Variants in TPP2 observed in about 807,000 individuals in gnomAD.
The protein encoded by TPP2 is tripeptidyl-peptidase 2.
A neutral mutation model predicts 155.9 loss-of-function variants in TPP2; 34 were observed. The ratio of observed to expected loss-of-function variants is 0.22; its 90% confidence interval spans 0.17 to 0.29. The LOEUF is 0.29. TPP2 is among the 10% of genes least tolerant of loss of function. The pLI is 1.00. For synonymous variants in TPP2, 510 were observed against 529.4 expected (o/e 0.96, Z 0.50); for missense variants, 1,028 against 1,522.3 (o/e 0.68, Z 5.40).
At chr13:102,624,072 T>G (rs554825109) in intron 6 of TPP2, among the ~76,000 whole-genome samples, 3 of 152,246 alleles carry the variant, frequency 2.0e-5, no homozygotes, top group Non-Finnish European at 4.4e-5. Context: ...CAAAATGCTG[T>G]GTGTATAAAC....
At chr13:102,616,555 GT>G (rs943563022) in intron 4 of TPP2, 55 bp downstream of exon 4, 198 of 1,409,256 alleles carry the variant, frequency 1.4e-4, no homozygotes, top group Non-Finnish European at 1.5e-4. Context: ...TTCCCATAGA[GT>G]TTCTACAGAA....
intron 8 of TPP2, among the ~76,000 whole-genome samples, chr13:102,628,544 C>T (rs1315161981): frequency 1.3e-5 from 2 of 152,158 alleles, no homozygotes; most frequent in East Asian, 1.9e-4. Flanking sequence ...GATGCACCCC[C>T]ACTCCCCTCC....
intron 27 of TPP2, among the ~76,000 whole-genome samples, chr13:102,666,595 T>G (rs1884608738): frequency 6.6e-6 from 1 of 152,150 alleles, no homozygotes; most frequent in Admixed American, 6.5e-5. Context: ...TTTTTTACAT[T>G]TTGTGAAAAT....
intron 2 of TPP2, among the ~76,000 whole-genome samples, chr13:102,612,988 A>G (rs547686214): frequency 6.6e-6 from 1 of 152,314 alleles, no homozygotes; most frequent in African/African-American, 2.4e-5. Flanking sequence ...GCTAGTGACT[A>G]CTTCCCTTTT....
Position 102,678,822 on chromosome 13 carries a change from A to G in TPP2, c.*506A>G, listed in dbSNP as rs1273994005. The G allele has an allele frequency of 1.5e-5, 2 of 136,388 alleles. No individual in the cohort carries two copies. Among genetic ancestry groups the G allele is most frequent in the South Asian group, 2.3e-4 (1 of 4,442 alleles). The allele number at this position is 136,388 out of a possible 1,614,324, so 8.4% of individuals were successfully genotyped here. ...TTTTTTTTTTTTTTTTTTTTTGGCA[A>G]ATGTTTACATTCAATTAAGGGGAAA... On this transcript the variant is annotated 3_prime_UTR_variant, in exon 30 of 30. Transcript: ENST00000376052.
intron 25 of TPP2, among the ~76,000 whole-genome samples, chr13:102,658,214 T>G (rs1239917848): frequency 6.6e-6 from 1 of 152,232 alleles, no homozygotes; most frequent in Non-Finnish European, 1.5e-5. Context: ...TGATATTCTA[T>G]GGGAATCCTC....
chr13:102,628,109 C>T (rs756536661), intron 8 of TPP2, among the ~76,000 whole-genome samples, 185 bp downstream of exon 8: 3 of 152,124 alleles, frequency 2.0e-5, no homozygotes, highest in Non-Finnish European at 2.9e-5. Flanking sequence ...CGCACACCCC[C>T]GTTCCTGTGT....
rs370265663 is a variant in TPP2, at chr13:102,663,664, A to G, written c.3160A>G (p.Ile1054Val). 1.9e-6 allele frequency: 3 copies of G among 1,603,852 alleles called. No homozygotes were observed. The highest frequency in any genetic ancestry group is 1.7e-6 in the Non-Finnish European group (2 of 1,176,760). The part of the protein sequence containing the change: ...QWMTKLDSSD[I>V]YNELKETYPN... ...CATACATAGGCTGGATTCTAGTGAC[A>G]TTTATAACGAATTGAAAGAAACATA... The change falls in exon 26 of 30, where the codon ATT (isoleucine) becomes GTT (valine). Residue 1054 changes from isoleucine to valine, a missense_variant. This residue lies in a region of TPP2 where 179 missense variants were observed against 274.7 expected (regional missense o/e 0.65). Coordinates refer to ENST00000376052, the MANE Select transcript of TPP2 (RefSeq NM_001330588.2).
chr13:102,599,262 T>A (rs986578168), intron 1 of TPP2, among the ~76,000 whole-genome samples: 1 of 152,224 alleles, frequency 6.6e-6, no homozygotes, highest in African/African-American at 2.4e-5. Flanking sequence ...GTAATAAATA[T>A]TCAGATGATA....
At position 102,636,291 on chromosome 13, in the gene TPP2, C is replaced by T; in HGVS notation, c.1577C>T (p.Thr526Ile). The T allele has an allele frequency of 6.2e-7, 1 of 1,613,856 alleles. No homozygotes were observed. Among genetic ancestry groups the T allele is most frequent in the South Asian group, 1.1e-5 (1 of 91,056 alleles). The change falls in exon 13 of 30, where the codon ACT becomes ATT. Residue 526 changes from threonine to isoleucine, a missense_variant. Transcript: ENST00000376052. ...GCTAATAAATTAGGTTTTACTGTTACTGTTGGAAATAACCGTGGCATCTAC... is the reference window on the plus strand; with the variant it reads ...GCTAATAAATTAGGTTTTACTGTTATTGTTGGAAATAACCGTGGCATCTAC... ...SFANKLGFTV[T>I]VGNNRGIYLR...
intron 16 of TPP2, 84 bp from the exon 17 acceptor site, chr13:102,643,138 C>T: frequency 3.8e-6 from 5 of 1,316,336 alleles, no homozygotes; most frequent in South Asian, 3.6e-5. Context: ...GGGAATTATC[C>T]CTAAGTGGGC....
At chr13:102,673,838 G>C (rs1219419430) in intron 27 of TPP2, among the ~76,000 whole-genome samples, 1 of 152,194 alleles carries the variant, frequency 6.6e-6, no homozygotes, top group Non-Finnish European at 1.5e-5. Flanking sequence ...GGCACATTCA[G>C]AGTAAAGCAT....
At chr13:102,624,731 TC>T (rs1427034539) in intron 6 of TPP2, among the ~76,000 whole-genome samples, 3 of 152,300 alleles carry the variant, frequency 2.0e-5, no homozygotes, top group African/African-American at 7.2e-5. Context: ...TTATCCAGCT[TC>T]CCATTGATGG....
rs755101407 is a variant in TPP2 at position 102,638,333 on chromosome 13, C to CA, written c.1913+19dup. On this transcript the variant is annotated intron_variant, in intron 15 of 29. Coordinates refer to ENST00000376052, the MANE Select transcript of TPP2 (RefSeq NM_001330588.2). ...GCAGCAAAGTAAGTAACAGGTTACT[C>CA]ACAGCTTACTGGTACATCTAAGATT... The CA allele has an allele frequency of 1.2e-6, 2 of 1,607,654 alleles. No homozygotes were observed. Among genetic ancestry groups the CA allele is most frequent in the Non-Finnish European group, 8.5e-7 (1 of 1,176,090 alleles).
At chr13:102,608,845 T>C (rs528652123) in intron 2 of TPP2, among the ~76,000 whole-genome samples, 2 of 152,282 alleles carry the variant, frequency 1.3e-5, no homozygotes, top group African/African-American at 4.8e-5. Flanking sequence ...TTAGATATTT[T>C]GTTTAGGTGT....
In TPP2 at chr13:102,616,484, A is replaced by G. The variant is rs370191174; in HGVS notation, c.479A>G (p.Asn160Ser). ...AAACAGGAAGAATTTGATGTTGCCA[A>G]CAACGGCTCTTCTCAAGTTGGTGCT... ...CRKQEEFDVA[N>S]NGSSQANKLI... Residue 160 changes from asparagine (N) to serine (S), a missense_variant, in exon 4 of 30, where the codon AAC (asparagine) becomes AGC (serine). This residue lies in a region of TPP2 where 300 missense variants were observed against 398.3 expected (regional missense o/e 0.75). Transcript: ENST00000376052. The G allele has an allele frequency of 2.3e-5, 37 of 1,610,920 alleles. No individual in the cohort carries two copies. The African/African-American group carries it at 4.5e-4, about 20-fold the overall frequency.
intron 1 of TPP2, among the ~76,000 whole-genome samples, chr13:102,602,046 CTT>C (rs1486861682): frequency 3.3e-5 from 5 of 152,200 alleles, no homozygotes; most frequent in African/African-American, 1.2e-4. Context: ...TTAGTGCTCT[CTT>C]GTTATTCTTG....
In TPP2 at chr13:102,668,441, GTAT is replaced by G. The variant is rs373739049; in HGVS notation, c.3371+3518_3371+3520del. ...TTGTCTGGCGTAGTGGTTACTGCTT[GTAT>G]TCCAGCTTTGCATCCTAGAATTAGT... On this transcript the variant is annotated intron_variant, in intron 27 of 29. Coordinates refer to ENST00000376052, the MANE Select transcript of TPP2 (RefSeq NM_001330588.2). Among the ~76,000 whole-genome samples, 377 of 152,298 alleles carry G rather than the reference GTAT, an allele frequency of 2.5e-3. 1 individual carries two copies. Among genetic ancestry groups the G allele is most frequent in the African/African-American group, 8.5e-3 (354 of 41,562 alleles).
intron 27 of TPP2, among the ~76,000 whole-genome samples, chr13:102,668,170 A>G (rs529037455): frequency 2.0e-4 from 31 of 152,294 alleles, no homozygotes; most frequent in African/African-American, 7.5e-4. Context: ...ATTTATCTAG[A>G]TAAGTTCCTT....
Sources: allele counts gnomAD v4.1 joint callset (sites outside exome capture counted in the v4.1 genomes callset), GRCh38; gene constraint gnomAD v4.1.1; regional missense constraint gnomAD v4.1.1; transcripts MANE v1.5; gene names NCBI Gene and HGNC (gene_info 2026-07-23, HGNC 2026-07-21).